TENM2: variants seen among roughly 807,000 people sequenced by gnomAD.
The protein encoded by TENM2 is teneurin-2.
In TENM2, 52 loss-of-function variants were observed where a neutral mutation model predicts 245.2. That is an observed-to-expected ratio of 0.21 (90% CI 0.17 to 0.27). TENM2 has a LOEUF of 0.27. TENM2 is among the 10% of genes least tolerant of loss of function. The probability of loss-of-function intolerance (pLI) is 1.00; values close to 1 mark genes in which losing one functional copy is unlikely to be tolerated. For synonymous variants in TENM2, 1,363 were observed against 1,438.9 expected, an observed-to-expected ratio of 0.95 and a Z score of 1.19; for missense variants, 3,046 against 3,666.8, an observed-to-expected ratio of 0.83 and a Z score of 4.37.
At chr5:167,855,001 A>G (rs1770933768) in intron 2 of TENM2, among the ~76,000 whole-genome samples, 1 of 152,154 alleles carries the variant, frequency 6.6e-6, no homozygotes, top group African/African-American at 2.4e-5. Context: ...TGGCTTTGCT[A>G]AACCATATGT....
intron 4 of TENM2, among the ~76,000 whole-genome samples, chr5:167,972,886 A>G (rs1304687529): frequency 6.6e-6 from 1 of 152,212 alleles, no homozygotes; most frequent in African/African-American, 2.4e-5. Context: ...ACATAGCTGC[A>G]GGGGAAAATC....
the TENM2 span, among the ~76,000 whole-genome samples, chr5:167,221,587 G>A: frequency 2.0e-5 from 3 of 152,154 alleles, no homozygotes; most frequent in Non-Finnish European, 4.4e-5. Context: ...ACAAATACCT[G>A]CAAGTAGCAA....
the TENM2 span, among the ~76,000 whole-genome samples, chr5:167,174,611 G>T: frequency 6.6e-6 from 1 of 151,924 alleles, no homozygotes; most frequent in Non-Finnish European, 1.5e-5. Flanking sequence ...TATATATAAT[G>T]AACACTTCAA....
At chr5:167,003,886 T>G in the TENM2 span, among the ~76,000 whole-genome samples, 1 of 152,162 alleles carries the variant, frequency 6.6e-6, no homozygotes, top group Non-Finnish European at 1.5e-5. Flanking sequence ...AATGAGCGTT[T>G]TAGCTTCTTA....
intron 2 of TENM2, among the ~76,000 whole-genome samples, chr5:167,843,408 G>T (rs138971991): frequency 6.6e-6 from 1 of 152,080 alleles, no homozygotes; most frequent in Non-Finnish European, 1.5e-5. Context: ...CATCCATTTC[G>T]AATTAATCAT....
intron 2 of TENM2, among the ~76,000 whole-genome samples, chr5:167,420,710 A>C (rs778144464): frequency 2.6e-5 from 4 of 152,130 alleles, no homozygotes. Flanking sequence ...CTGTTTTATC[A>C]TGATACCTCG....
chr5:167,839,573 GTA>G (rs1769299814), intron 2 of TENM2, among the ~76,000 whole-genome samples: 1 of 151,640 alleles, frequency 6.6e-6, no homozygotes, highest in Admixed American at 6.6e-5. Context: ...GTGTGTGTGT[GTA>G]TGTATGTATG....
intron 2 of TENM2, among the ~76,000 whole-genome samples, chr5:167,734,880 G>C (rs555937272): frequency 6.6e-6 from 1 of 151,702 alleles, no homozygotes; most frequent in Non-Finnish European, 1.5e-5. Flanking sequence ...CTTTCTCCAC[G>C]CTCTACACAT....
chr5:167,862,423 C>G (rs1771907333), intron 2 of TENM2, among the ~76,000 whole-genome samples: 2 of 152,242 alleles, frequency 1.3e-5, no homozygotes. Context: ...TTAGCCATAA[C>G]TAAGCAATGT....
intron 1 of TENM2, among the ~76,000 whole-genome samples, chr5:167,353,531 G>T (rs1358843387): frequency 1.2e-5 from 1 of 85,944 alleles, no homozygotes; most frequent in African/African-American, 4.9e-5. Flanking sequence ...TTTTTGAGAC[G>T]GAGTCTCGCT....
intron 3 of TENM2, among the ~76,000 whole-genome samples, chr5:167,910,832 T>C (rs1036141922): frequency 1.3e-5 from 2 of 152,188 alleles, no homozygotes; most frequent in African/African-American, 2.4e-5. Flanking sequence ...CTAAGTTACA[T>C]TAAAATAAGT....
At chr5:167,646,054 G>GT (rs1779907270) in intron 2 of TENM2, among the ~76,000 whole-genome samples, 1 of 150,480 alleles carries the variant, frequency 6.6e-6, no homozygotes, top group African/African-American at 2.4e-5. Context: ...CCTAGCTCCA[G>GT]TACACACCTG....
rs140608780 is a variant in TENM2 at position 167,735,774 on chromosome 5, C to G, written c.503-140212C>G. Among the ~76,000 whole-genome samples, 1,227 of 152,128 alleles carry G rather than the reference C, an allele frequency of 8.1e-3. 16 individuals carry two copies. The highest frequency in any genetic ancestry group is 0.028 in the African/African-American group (1,160 of 41,508). On this transcript the variant is annotated intron_variant, in intron 2 of 28. Coordinates refer to ENST00000518659, the Ensembl canonical transcript of TENM2. ...TGAGCCAAGATCATACCACTGCACT[C>G]CAGCCTGGGCGATAGAGTGAGACCC...
intron 2 of TENM2, among the ~76,000 whole-genome samples, chr5:167,618,935 G>A (rs1777975316): frequency 6.6e-6 from 1 of 152,126 alleles, no homozygotes; most frequent in African/African-American, 2.4e-5. Context: ...AATGAGTGAA[G>A]AAGACAGGTC....
In TENM2 at chr5:167,375,495, C is replaced by G. The variant is rs749639697; in HGVS notation, c.502+22C>G. On this transcript the variant is annotated intron_variant, in intron 2 of 28. Transcript: ENST00000518659. ...AACGGTAGGCCTGCTTCTTAAATAC[C>G]TTTTAACGTTCTGTGCACTGCACCA... 1.0e-5 allele frequency: 16 copies of G among 1,550,258 alleles called. No homozygotes were observed. In the African/African-American group the frequency reaches 1.9e-4, roughly 19 times the overall value.
At chr5:167,962,509 A>G (rs1299828606) in intron 4 of TENM2, among the ~76,000 whole-genome samples, 1 of 152,218 alleles carries the variant, frequency 6.6e-6, no homozygotes, top group African/African-American at 2.4e-5. Context: ...AGAACTGATG[A>G]AATGTATGAT....
At chr5:167,751,499 A>G (rs900994323) in intron 2 of TENM2, among the ~76,000 whole-genome samples, 1 of 152,180 alleles carries the variant, frequency 6.6e-6, no homozygotes, top group Non-Finnish European at 1.5e-5. Context: ...ACAGTGTTGC[A>G]TGTGATAGTG....
At chr5:167,988,493 G>A (rs1675823218) in intron 4 of TENM2, among the ~76,000 whole-genome samples, 1 of 152,148 alleles carries the variant, frequency 6.6e-6, no homozygotes, top group African/African-American at 2.4e-5. Context: ...AATTGAAGGG[G>A]CCCAGGAAGA....
rs997108527 is a variant in TENM2, at chr5:167,637,625, G to C, written c.503-238361G>C. Among the ~76,000 whole-genome samples the C allele has an allele frequency of 2.0e-5, 3 of 152,132 alleles. No homozygotes were observed. In the South Asian group the frequency reaches 6.2e-4, roughly 31 times the overall value. On this transcript the variant is annotated intron_variant, in intron 2 of 28. Coordinates refer to ENST00000518659, the Ensembl canonical transcript of TENM2. ...GAAAATGTGGCACATATACACCATGGAATACTATGCAGCCATAAAAAGAAT... is the reference window on the plus strand; with the variant it reads ...GAAAATGTGGCACATATACACCATGCAATACTATGCAGCCATAAAAAGAAT...
Sources: allele counts gnomAD v4.1 joint callset (sites outside exome capture counted in the v4.1 genomes callset), GRCh38; gene constraint gnomAD v4.1.1; transcripts MANE v1.5; gene names NCBI Gene and HGNC (gene_info 2026-07-23, HGNC 2026-07-21).